The following ALK variants were observed in gnomAD, a reference collection of about 807,000 sequenced individuals.
The protein encoded by ALK is ALK receptor tyrosine kinase.
In ALK, 74 loss-of-function variants were observed where a neutral mutation model predicts 163.1. The observed-to-expected ratio is 0.45, with a 90% CI of 0.38 to 0.55. The LOEUF (loss-of-function observed/expected upper bound fraction) is 0.55. Ranked by LOEUF, ALK falls within the 20% of genes least tolerant of loss-of-function variation. The pLI is 0.00. For missense variants in ALK, 2,063 were observed against 2,105.3 expected, an observed-to-expected ratio of 0.98 and a Z score of 0.39; for synonymous variants, 960 against 843.2, an observed-to-expected ratio of 1.14 and a Z score of -2.40.
intron 3 of ALK, among the ~76,000 whole-genome samples, chr2:29,588,698 T>C (rs1674961995): frequency 1.3e-5 from 2 of 152,208 alleles, no homozygotes. Context: ...ACTTTGCCAT[T>C]GTGGAGAAGG....
chr2:29,407,124 T>G (rs926747112), intron 4 of ALK, among the ~76,000 whole-genome samples: 2 of 152,218 alleles, frequency 1.3e-5, no homozygotes, highest in Non-Finnish European at 2.9e-5. Context: ...GACCTGTCCT[T>G]CAACTCTCCA....
intron 3 of ALK, among the ~76,000 whole-genome samples, chr2:29,576,023 G>A (rs977599053): frequency 6.6e-6 from 1 of 152,120 alleles, no homozygotes; most frequent in Non-Finnish European, 1.5e-5. Context: ...TCCTGAAGCT[G>A]GAATAAGGAA....
At chr2:29,560,458 A>C (rs1673988832) in intron 3 of ALK, among the ~76,000 whole-genome samples, 1 of 152,232 alleles carries the variant, frequency 6.6e-6, no homozygotes, top group South Asian at 2.1e-4. Context: ...AATGAGCCGA[A>C]GGCCTTTTTT....
At chr2:29,637,181 AACATGTTCCTC>A (rs775590713) in intron 3 of ALK, among the ~76,000 whole-genome samples, 108 of 152,328 alleles carry the variant, frequency 7.1e-4, no homozygotes, top group Middle Eastern at 3.4e-3. Context: ...ACTAGAAACC[AACATGTTCCTC>A]CATGGATGTA....
chr2:29,486,958 T>A (rs1296912567), intron 4 of ALK, among the ~76,000 whole-genome samples: 1 of 152,200 alleles, frequency 6.6e-6, no homozygotes, highest in Non-Finnish European at 1.5e-5. Context: ...ACAGCAATTT[T>A]AAAAAATGTA....
intron 4 of ALK, among the ~76,000 whole-genome samples, chr2:29,510,423 G>T (rs189027590): frequency 2.3e-4 from 35 of 151,940 alleles, no homozygotes; most frequent in African/African-American, 7.7e-4. Context: ...CCCCAAAATA[G>T]AAGAAGCTTG....
At chr2:29,303,377 A>C (rs1666422696) in intron 8 of ALK, among the ~76,000 whole-genome samples, 1 of 152,210 alleles carries the variant, frequency 6.6e-6, no homozygotes, top group Non-Finnish European at 1.5e-5. Context: ...AAAGGTAAAA[A>C]AAGAAAAGAT....
intron 9 of ALK, among the ~76,000 whole-genome samples, chr2:29,279,093 G>A (rs544975758): frequency 2.0e-5 from 3 of 152,258 alleles, no homozygotes; most frequent in Admixed American, 6.5e-5. Context: ...TTAGATCTGC[G>A]AAGTCTCTCA....
chr2:29,380,521 C>A (rs987216903), intron 5 of ALK, among the ~76,000 whole-genome samples: 11 of 151,530 alleles, frequency 7.3e-5, no homozygotes, highest in Non-Finnish European at 1.3e-4. Flanking sequence ...CAGGTTCAAG[C>A]GATTCTCCTG....
At chr2:29,736,307 A>G (rs182257401) in intron 1 of ALK, among the ~76,000 whole-genome samples, 14 of 152,170 alleles carry the variant, frequency 9.2e-5, no homozygotes, top group African/African-American at 3.4e-4. Flanking sequence ...TTGCCTTTCA[A>G]TGGTCTGGTT....
intron 1 of ALK, among the ~76,000 whole-genome samples, chr2:29,848,148 C>A (rs771015226): frequency 2.0e-5 from 3 of 152,084 alleles, no homozygotes; most frequent in Non-Finnish European, 4.4e-5. Flanking sequence ...GGTCTTAGTG[C>A]CTCTGGGAGG....
chr2:29,720,313 G>A (rs1679385141), intron 1 of ALK, among the ~76,000 whole-genome samples: 1 of 152,146 alleles, frequency 6.6e-6, no homozygotes, highest in Admixed American at 6.5e-5. Flanking sequence ...AGAAGCATGA[G>A]CTTAAAGCCT....
At chr2:29,890,664 G>A (rs527684236) in intron 1 of ALK, 1 of 152,310 alleles carries the variant, frequency 6.6e-6, no homozygotes, top group South Asian at 2.1e-4. Flanking sequence ...CTCTGAGCGG[G>A]TGGCAGGGTA....
At chr2:29,293,993 C>T (rs751245051) in intron 9 of ALK, among the ~76,000 whole-genome samples, 2 of 152,130 alleles carry the variant, frequency 1.3e-5, no homozygotes, top group Non-Finnish European at 2.9e-5. Context: ...ATTTCTGCCG[C>T]TTTCAAGGTT....
chr2:29,627,706 T>C (rs141193407), intron 3 of ALK, among the ~76,000 whole-genome samples: 4 of 152,350 alleles, frequency 2.6e-5, no homozygotes, highest in Admixed American at 1.3e-4. Context: ...TCAAGTTCTA[T>C]GAATCAAATA....
intron 4 of ALK, among the ~76,000 whole-genome samples, chr2:29,419,195 C>T (rs1342860793): frequency 6.6e-6 from 1 of 151,298 alleles, no homozygotes. Context: ...GCTGGGATTA[C>T]AGGTACATGC....
intron 1 of ALK, among the ~76,000 whole-genome samples, chr2:29,771,680 G>A (rs575223218): frequency 8.5e-5 from 13 of 152,142 alleles, no homozygotes; most frequent in South Asian, 2.1e-4. Context: ...GACTACAGGC[G>A]CCTGCCACCA....
chr2:29,865,368 A>G lies in ALK; in HGVS notation c.667+54625T>C, dbSNP rs1666406118. ...GCAAGGAGCTGGGTCCCCAGAGCAC[A>G]CTGAAGCCTGAGCCTGAGGAGCCCT... On this transcript the variant is annotated intron_variant, in intron 1 of 28. Coordinates refer to ENST00000389048, the MANE Select transcript of ALK (RefSeq NM_004304.5). 2.0e-5 allele frequency among the ~76,000 whole-genome samples: 3 copies of G among 152,178 alleles called. No homozygotes were observed. The South Asian group carries it at 6.2e-4, about 32-fold the overall frequency.
intron 4 of ALK, among the ~76,000 whole-genome samples, chr2:29,491,905 T>C (rs540463493): frequency 6.6e-6 from 1 of 152,342 alleles, no homozygotes; most frequent in East Asian, 1.9e-4. Context: ...CACAGATGTC[T>C]AATGTTCTTA....
Sources: gnomAD v4.1 joint callset for allele counts (sites outside exome capture counted in the v4.1 genomes callset) on GRCh38, gnomAD v4.1.1 for gene constraint, MANE v1.5 for transcripts, NCBI Gene and HGNC (gene_info 2026-07-23, HGNC 2026-07-21) for gene names.